Variants in MECOM observed in about 807,000 individuals in gnomAD.
MECOM encodes the protein histone-lysine N-methyltransferase MECOM.
A neutral mutation model predicts 116.3 loss-of-function variants in MECOM; 13 were observed. That is an observed-to-expected ratio of 0.11 (90% CI 0.07 to 0.18). The LOEUF (loss-of-function observed/expected upper bound fraction) is 0.18. MECOM is among the 10% of genes least tolerant of loss of function. MECOM has a pLI of 1.00. For missense variants in MECOM, 1,299 were observed against 1,509.0 expected, an observed-to-expected ratio of 0.86 and a Z score of 2.31; for synonymous variants, 528 against 535.2, an observed-to-expected ratio of 0.99 and a Z score of 0.19.
chr3:169,234,279 T>C (rs761192755), intron 2 of MECOM, among the ~76,000 whole-genome samples: 11 of 151,906 alleles, frequency 7.2e-5, no homozygotes, highest in Non-Finnish European at 1.6e-4. Flanking sequence ...CAAGGGTCAG[T>C]TGGCCCCTTT....
At chr3:169,114,019 G>C (rs1432656901) in intron 8 of MECOM, among the ~76,000 whole-genome samples, 1 of 152,024 alleles carries the variant, frequency 6.6e-6, no homozygotes, top group East Asian at 1.9e-4. Flanking sequence ...TAGGTGATGA[G>C]GATGAGTGCA....
intron 2 of MECOM, among the ~76,000 whole-genome samples, chr3:169,270,392 T>G (rs1758793746): frequency 6.6e-6 from 1 of 152,094 alleles, no homozygotes; most frequent in Non-Finnish European, 1.5e-5. Context: ...TGTATCTATC[T>G]ATCTATCTAT....
intron 2 of MECOM, among the ~76,000 whole-genome samples, chr3:169,157,035 G>T (rs1742104372): frequency 1.3e-5 from 2 of 152,128 alleles, no homozygotes; most frequent in South Asian, 4.1e-4. Flanking sequence ...AACTAATGTT[G>T]TTCCAGATGA....
intron 2 of MECOM, among the ~76,000 whole-genome samples, chr3:169,328,520 A>T (rs16853530): frequency 0.018 from 2,690 of 152,344 alleles, 65 homozygotes; most frequent in East Asian, 0.11. Context: ...GTTTTAAAAC[A>T]TTCTATTATG....
chr3:169,091,567 GTTCT>G (rs1719730440), intron 14 of MECOM, among the ~76,000 whole-genome samples: 1 of 151,992 alleles, frequency 6.6e-6, no homozygotes, highest in Non-Finnish European at 1.5e-5. Context: ...TTTCTTGCTT[GTTCT>G]TGCTACTTTG....
chr3:169,294,563 G>A (rs917178482), intron 2 of MECOM, among the ~76,000 whole-genome samples: 12 of 152,168 alleles, frequency 7.9e-5, no homozygotes, highest in African/African-American at 2.9e-4. Context: ...TATGCAGTCT[G>A]TTCTGTCCTC....
rs188489658 is a variant in MECOM, at chr3:169,382,879, A to G, written c.38-1355T>C. ...AAAAAAAAAAATAAAAAAAATAAAA[A>G]AAGAAGGTAAAATGGGTTGCCTCCA... On this transcript the variant is annotated intron_variant, in intron 1 of 16. Coordinates refer to ENST00000651503, the MANE Select transcript of MECOM (RefSeq NM_004991.4). Among the ~76,000 whole-genome samples, 800 of 138,228 alleles carry G rather than the reference A, an allele frequency of 5.8e-3. 11 individuals are homozygous for G. Among genetic ancestry groups the G allele is most frequent in the East Asian group, 0.025 (105 of 4,160 alleles). 90.7% of individuals were successfully genotyped at this position (138,228 alleles called of 152,430 possible). A position where few individuals can be genotyped will look rare whatever the true frequency, so the allele number is the denominator to read the frequency against.
intron 2 of MECOM, among the ~76,000 whole-genome samples, chr3:169,263,724 T>C (rs997393618): frequency 6.6e-6 from 1 of 152,166 alleles, no homozygotes; most frequent in African/African-American, 2.4e-5. Context: ...TTATAATAGC[T>C]AAAAAGGGCC....
In MECOM at chr3:169,663,282, T is replaced by C. The variant is rs1000974598; in HGVS notation, c.37+54A>G. ...CCTCCCGGAGCGCTAGAGACAGATA[T>C]GCAAGATGGCAGAGGAGGGGGAAAA... On this transcript the variant is annotated intron_variant, in intron 1 of 16. Coordinates refer to ENST00000651503, the MANE Select transcript of MECOM (RefSeq NM_004991.4). The C allele has an allele frequency of 8.9e-6, 14 of 1,572,240 alleles. 1 individual carries two copies. In the East Asian group the frequency reaches 1.2e-4, roughly 13 times the overall value.
chr3:169,261,701 CAAGAAG>C (rs1240526229), intron 2 of MECOM, among the ~76,000 whole-genome samples: 3 of 147,810 alleles, frequency 2.0e-5, no homozygotes, highest in Non-Finnish European at 4.4e-5. Context: ...AACTCCATCT[CAAGAAG>C]AAGAAGAAGG....
At chr3:169,558,025 T>C (rs1762235159) in intron 1 of MECOM, among the ~76,000 whole-genome samples, 1 of 152,226 alleles carries the variant, frequency 6.6e-6, no homozygotes, top group South Asian at 2.1e-4. Flanking sequence ...AATAACAGGA[T>C]TTTTTAAAAG....
intron 1 of MECOM, among the ~76,000 whole-genome samples, chr3:169,518,055 C>G (rs1027948945): frequency 2.6e-5 from 4 of 152,032 alleles, no homozygotes; most frequent in Admixed American, 6.6e-5. Flanking sequence ...GTCAGGAGAT[C>G]GAGACCATCC....
At chr3:169,584,380 A>C (rs1031797980) in intron 1 of MECOM, among the ~76,000 whole-genome samples, 21 of 151,454 alleles carry the variant, frequency 1.4e-4, no homozygotes, top group African/African-American at 4.3e-4. Context: ...CTTGGCTAAC[A>C]CGGTGAAACC....
At chr3:169,553,482 T>C (rs146569725) in intron 1 of MECOM, among the ~76,000 whole-genome samples, 228 of 152,326 alleles carry the variant, frequency 1.5e-3, no homozygotes, top group African/African-American at 5.3e-3. Flanking sequence ...TTGAATGAAT[T>C]AGCAAGAGAT....
chr3:169,412,399 C>T (rs1737706290), intron 1 of MECOM, among the ~76,000 whole-genome samples: 1 of 151,910 alleles, frequency 6.6e-6, no homozygotes, highest in Admixed American at 6.5e-5. Context: ...TCTTGAAAAT[C>T]CATGCTGTTT....
intron 1 of MECOM, among the ~76,000 whole-genome samples, chr3:169,456,554 G>A (rs1746534715): frequency 6.6e-6 from 1 of 152,122 alleles, no homozygotes; most frequent in Admixed American, 6.5e-5. Flanking sequence ...AAGTGCCATG[G>A]ACTGTCAGCA....
chr3:169,372,277 G>A (rs1378853147), intron 2 of MECOM, among the ~76,000 whole-genome samples: 1 of 152,116 alleles, frequency 6.6e-6, no homozygotes, highest in Non-Finnish European at 1.5e-5. Flanking sequence ...GCACATGACA[G>A]GTGCATCAAC....
At chr3:169,377,432 G>C (rs1731231930) in intron 2 of MECOM, among the ~76,000 whole-genome samples, 1 of 152,110 alleles carries the variant, frequency 6.6e-6, no homozygotes, top group South Asian at 2.1e-4. Flanking sequence ...ATCTGACAAA[G>C]GGTAATGTCC....
At chr3:169,104,717 G>T (rs553911011) in intron 10 of MECOM, among the ~76,000 whole-genome samples, 1 of 151,906 alleles carries the variant, frequency 6.6e-6, no homozygotes, top group Non-Finnish European at 1.5e-5. Flanking sequence ...TATTATTCTC[G>T]GCTTTCATCT....
Sources: gnomAD v4.1 joint callset for allele counts (sites outside exome capture counted in the v4.1 genomes callset) on GRCh38, gnomAD v4.1.1 for gene constraint, MANE v1.5 for transcripts, NCBI Gene and HGNC (gene_info 2026-07-23, HGNC 2026-07-21) for gene names.